ZNF324B: variants seen among roughly 807,000 people sequenced by gnomAD.
The protein encoded by ZNF324B is zinc finger protein 324B.
ZNF324B carries 7 observed loss-of-function variants against 10.6 expected under a neutral mutation model. That is an observed-to-expected ratio of 0.66 (90% CI 0.38 to 1.24). The LOEUF (loss-of-function observed/expected upper bound fraction) is 1.24, where lower values mean the gene tolerates loss of function less well. Ranked by LOEUF, ZNF324B falls within the 50% of genes most tolerant of loss-of-function variation. The pLI is 0.02. For synonymous variants in ZNF324B, 316 were observed against 321.0 expected (o/e 0.98, Z 0.17); for missense variants, 640 against 764.7 (o/e 0.84, Z 1.92).
chr19:58,425,289 G>A, the ZNF324B span, among the ~76,000 whole-genome samples: 2 of 151,134 alleles, frequency 1.3e-5, no homozygotes, highest in African/African-American at 4.9e-5. Flanking sequence ...TTGCTCTATT[G>A]CCCAGGCTGG....
At chr19:58,450,901 C>T (rs117133723), upstream of ZNF324B, among the ~76,000 whole-genome samples, 55 of 152,250 alleles carry the variant, frequency 3.6e-4, no homozygotes, top group East Asian at 9.8e-3. Flanking sequence ...AAAAAAGGAA[C>T]AAAGCATCCA....
the ZNF324B span, chr19:58,434,957 CCTT>C: frequency 3.7e-6 from 6 of 1,614,066 alleles, no homozygotes; most frequent in Non-Finnish European, 5.1e-6. Context: ...CCACTGTGCT[CCTT>C]CTGGTGCTGG....
chr19:58,454,242 C>A lies in ZNF324B; in HGVS notation c.136C>A (p.Arg46=), dbSNP rs376763359. Reference sequence around the variant, plus strand: ...CCTCCTCACAGGACTCTCTACCTCCCGACCTCGTGTGGTCATTCAACTTGA... The same window carrying A: ...CCTCCTCACAGGACTCTCTACCTCCAGACCTCGTGTGGTCATTCAACTTGA... ...LVTSLGLSTS[R]PRVVIQLERG... Residue 46 remains arginine, a synonymous_variant, in exon 3 of 4, where the codon CGA becomes AGA. Coordinates refer to ENST00000336614, the MANE Select transcript of ZNF324B (RefSeq NM_207395.3). 3 of 1,613,594 alleles carry A rather than the reference C, an allele frequency of 1.9e-6. No individual in the cohort carries two copies. The African/African-American group carries it at 4.0e-5, about 22-fold the overall frequency.
chr19:58,446,782 G>A (rs560950500), upstream of ZNF324B, among the ~76,000 whole-genome samples: 122 of 151,652 alleles, frequency 8.0e-4, no homozygotes, highest in Non-Finnish European at 1.0e-3. Context: ...TCACCATGTT[G>A]GCCAAGATGG....
At chr19:58,454,630 C>G in intron 3 of ZNF324B, 2 of 561,432 alleles carry the variant, frequency 3.6e-6, no homozygotes, top group Non-Finnish European at 3.2e-6. Flanking sequence ...ATTTATTTCG[C>G]CCATCATTTA....
At chr19:58,453,583 G>A (rs2052883074) in intron 1 of ZNF324B, 113 bp from the exon 2 acceptor site, 4 of 1,443,850 alleles carry the variant, frequency 2.8e-6, no homozygotes, top group East Asian at 2.3e-5. Flanking sequence ...ATCTCGGGGT[G>A]GAACCCAAGG....
Position 58,455,231 on chromosome 19 carries a change from G to A in ZNF324B, c.287G>A (p.Arg96Gln), listed in dbSNP as rs777680302. 5 of 1,614,146 alleles carry A rather than the reference G, an allele frequency of 3.1e-6. No individual in the cohort carries two copies. The highest frequency in any genetic ancestry group is 1.1e-5 in the South Asian group (1 of 91,086). The change falls in exon 4 of 4, where the codon CGA (arginine) becomes CAA (glutamine). Residue 96 changes from arginine to glutamine, a missense_variant. Arg to Gln is a conservative substitution (Grantham distance 43). This residue lies in a region of ZNF324B where 345 missense variants were observed against 387.9 expected (regional missense o/e 0.89). Transcript: ENST00000336614. This position sits in a 1 kb window ranked among gnomAD's most constrained non-coding sequence, Gnocchi z 7.0. ...AGAGATGTTTCTGGAGAATGGCCACGAGCTTTCCCAGATACCCCACCTGGG... is the reference window on the plus strand; with the variant it reads ...AGAGATGTTTCTGGAGAATGGCCACAAGCTTTCCCAGATACCCCACCTGGG... ...EDRDVSGEWP[R>Q]AFPDTPPGMT...
At chr19:58,452,795 G>A in intron 1 of ZNF324B, 1 of 290,878 alleles carries the variant, frequency 3.4e-6, no homozygotes. Context: ...AAAGAAAACC[G>A]GCTGGGGTGC....
At chr19:58,449,592 G>T (rs1349771568), upstream of ZNF324B, among the ~76,000 whole-genome samples, 1 of 152,252 alleles carries the variant, frequency 6.6e-6, no homozygotes, top group African/African-American at 2.4e-5. Context: ...CCCACTGCTT[G>T]TATCAGTGTG....
chr19:58,420,348 G>A, the ZNF324B span, among the ~76,000 whole-genome samples: 1 of 151,968 alleles, frequency 6.6e-6, no homozygotes, highest in Admixed American at 6.6e-5. Flanking sequence ...GAACTGGGGA[G>A]GCAGAGGTTG....
rs557596056 is a variant in ZNF324B at position 58,456,475 on chromosome 19, G to A, written c.1531G>A (p.Ala511Thr). The change falls in exon 4 of 4, where the codon GCA becomes ACA. Residue 511 changes from alanine (A) to threonine (T), a missense_variant. Coordinates refer to ENST00000336614, the MANE Select transcript of ZNF324B (RefSeq NM_207395.3). The surrounding 1 kb of genome is among the most constrained non-coding windows in gnomAD (Gnocchi z 4.7). ...CCACACCACAGAGAAGACCAATGCCGCAGCACCAGACTGCACCCCGGGGCC... is the reference window on the plus strand; with the variant it reads ...CCACACCACAGAGAAGACCAATGCCACAGCACCAGACTGCACCCCGGGGCC... ...RIHTTEKTNA[A>T]APDCTPGPGF... 8 of 1,614,110 alleles carry A rather than the reference G, an allele frequency of 5.0e-6. No homozygotes were observed. Among genetic ancestry groups the A allele is most frequent in the South Asian group, 4.4e-5 (4 of 91,082 alleles).
At position 58,456,426 on chromosome 19, in the gene ZNF324B, T is replaced by G. The variant is rs745514607; in HGVS notation, c.1482T>G (p.Pro494=). Residue 494 remains proline, a synonymous_variant, in exon 4 of 4, where the codon CCT becomes CCG. Coordinates refer to ENST00000336614, the MANE Select transcript of ZNF324B (RefSeq NM_207395.3). This position sits in a 1 kb window ranked among gnomAD's most constrained non-coding sequence, Gnocchi z 4.7. ...GTGGCCGCGCCTTCCGTGAGCGCCC[T>G]GCCCTCTTGCACCACCAGAGGATCC... is the stretch of plus-strand genomic sequence containing the variant. The part of the protein sequence containing the change: ...TQCGRAFRER[P]ALLHHQRIHT... 3.5e-5 allele frequency: 56 copies of G among 1,613,274 alleles called. No homozygotes were observed. The highest frequency in any genetic ancestry group is 2.3e-4 in the Admixed American group (14 of 59,984).
At chr19:58,430,452 C>T in the ZNF324B span, 4 of 152,242 alleles carry the variant, frequency 2.6e-5, no homozygotes, top group Non-Finnish European at 5.9e-5. Flanking sequence ...AGCAGTAATA[C>T]AGTGCCGCCT....
chr19:58,433,339 T>G, the ZNF324B span: 4 of 1,612,964 alleles, frequency 2.5e-6, no homozygotes. Context: ...ATGAATCTTT[T>G]TATGCTGTGC....
At chr19:58,432,999 A>G in the ZNF324B span, 17 of 209,060 alleles carry the variant, frequency 8.1e-5, no homozygotes, top group Middle Eastern at 6.1e-3. Flanking sequence ...CTCAACCAGC[A>G]TCGGTTCAGC....
chr19:58,455,573 C>A lies in ZNF324B; in HGVS notation c.629C>A (p.Ala210Asp). 3 of 1,614,126 alleles carry A rather than the reference C, an allele frequency of 1.9e-6. No individual in the cohort carries two copies. Among genetic ancestry groups the A allele is most frequent in the Non-Finnish European group, 2.5e-6 (3 of 1,180,028 alleles). The change falls in exon 4 of 4, where the codon GCC becomes GAC. Residue 210 changes from alanine to aspartate, a missense_variant. Coordinates refer to ENST00000336614, the MANE Select transcript of ZNF324B (RefSeq NM_207395.3). This position sits in a 1 kb window ranked among gnomAD's most constrained non-coding sequence, Gnocchi z 7.0. ...QEVPGRAFGN[A>D]SDLKAASGGR... ...GTCCCTGGGAGAGCCTTCGGGAATG[C>A]CTCGGACCTGAAGGCCGCCAGTGGT...
the ZNF324B span, chr19:58,434,780 T>A: frequency 1.2e-6 from 2 of 1,614,212 alleles, no homozygotes; most frequent in Non-Finnish European, 1.7e-6. Context: ...TGCCCAAGAT[T>A]GGAATATGGC....
the ZNF324B span, among the ~76,000 whole-genome samples, chr19:58,424,085 C>CA: frequency 0.039 from 5,327 of 136,722 alleles, 171 homozygotes; most frequent in African/African-American, 0.092. Context: ...ACTAAAAATA[C>CA]AAAAAAAAAA....
chr19:58,453,226 A>C (rs1312869855), intron 1 of ZNF324B: 1 of 202,512 alleles, frequency 4.9e-6, no homozygotes, highest in Non-Finnish European at 1.0e-5. Context: ...GGTGGGGATC[A>C]TCCAGTCCCT....
Sources: gnomAD v4.1 joint callset for allele counts (sites outside exome capture counted in the v4.1 genomes callset) on GRCh38, gnomAD v4.1.1 for gene constraint, gnomAD v4.1.1 regional missense constraint, Gnocchi (gnomAD v3.1) non-coding constraint, MANE v1.5 for transcripts, NCBI Gene and HGNC (gene_info 2026-07-23, HGNC 2026-07-21) for gene names.